The following TCF7 variants were observed in gnomAD, a reference collection of about 807,000 sequenced individuals.
TCF7 encodes T-cell-factor-7.
In TCF7, 19 loss-of-function variants were observed where a neutral mutation model predicts 46.8. The ratio of observed to expected loss-of-function variants is 0.41; its 90% CI spans 0.28 to 0.60. The LOEUF is 0.60. TCF7 is among the 20% of genes least tolerant of loss of function. The probability of loss-of-function intolerance (pLI) is 0.35; values close to 1 mark genes in which losing one functional copy is unlikely to be tolerated. For missense variants in TCF7, 547 were observed against 504.6 expected (o/e 1.08, Z -0.81); for synonymous variants, 245 against 213.4 (o/e 1.15, Z -1.29).
intron 5 of TCF7, chr5:134,140,988 C>T: frequency 3.1e-6 from 1 of 323,646 alleles, no homozygotes; most frequent in Non-Finnish European, 6.1e-6. Context: ...CTGTGTTAGT[C>T]GTTTGTCCAT....
intron 3 of TCF7, among the ~76,000 whole-genome samples, chr5:134,124,682 C>T (rs578085165): frequency 1.1e-3 from 165 of 152,364 alleles, no homozygotes; most frequent in African/African-American, 3.8e-3. Flanking sequence ...GCCCTGCCCC[C>T]CATTAAAACC....
chr5:134,114,736 CCCCGCGCCCTAG>C lies in TCF7; in HGVS notation c.-162_-151del, dbSNP rs1206382592. 3 of 588,932 alleles carry C rather than the reference CCCCGCGCCCTAG, an allele frequency of 5.1e-6. No individual in the cohort carries two copies. The highest frequency in any genetic ancestry group is 6.4e-6 in the Non-Finnish European group (3 of 468,960). The allele number at this position is 588,932 out of a possible 1,614,324, so 36.5% of individuals were successfully genotyped here. A position where few individuals can be genotyped will look rare whatever the true frequency, so the allele number is the denominator to read the frequency against. ...CCCGCCAGCTCGCGGAGCCGCTCTG[CCCCGCGCCCTAG>C]CCCGCGCCTGCAGCCCGCCCAGGCG... On this transcript the variant is annotated 5_prime_UTR_variant, in exon 1 of 10. Transcript: ENST00000342854.
At chr5:134,145,958 A>G in intron 9 of TCF7, 1 of 1,474,242 alleles carries the variant, frequency 6.8e-7, no homozygotes, top group East Asian at 2.5e-5. Flanking sequence ...AGGAGAGATG[A>G]CTCCCTTGGA....
intron 3 of TCF7, among the ~76,000 whole-genome samples, chr5:134,117,789 C>T (rs1580794598): frequency 6.6e-6 from 1 of 152,122 alleles, no homozygotes; most frequent in South Asian, 2.1e-4. Flanking sequence ...TTCTATGTAT[C>T]GCACCTGCTC....
chr5:134,132,864 C>T (rs1758341844), intron 3 of TCF7, among the ~76,000 whole-genome samples: 1 of 152,150 alleles, frequency 6.6e-6, no homozygotes, highest in Non-Finnish European at 1.5e-5. Context: ...GCCTGGCTGT[C>T]TTCTGGGCTC....
chr5:134,138,185 G>A, intron 4 of TCF7, 21 bp downstream of exon 4: 1 of 1,606,542 alleles, frequency 6.2e-7, no homozygotes, highest in South Asian at 1.1e-5. Flanking sequence ...GGGATGGGGA[G>A]GGGCCCAGTG....
intron 3 of TCF7, among the ~76,000 whole-genome samples, chr5:134,131,404 A>G (rs1758108879): frequency 6.6e-6 from 1 of 152,262 alleles, no homozygotes; most frequent in Non-Finnish European, 1.5e-5. Flanking sequence ...AACAGTAACC[A>G]TAGCAATAGC....
intron 9 of TCF7, chr5:134,144,927 A>C (rs992177436): frequency 1.0e-5 from 15 of 1,471,498 alleles, no homozygotes; most frequent in Non-Finnish European, 1.2e-5. Flanking sequence ...CTGACTCTGC[A>C]CATGTTCCAC....
chr5:134,134,637 G>A (rs1758603132), intron 3 of TCF7, among the ~76,000 whole-genome samples: 1 of 152,180 alleles, frequency 6.6e-6, no homozygotes, highest in African/African-American at 2.4e-5. Flanking sequence ...TAGGACAGAG[G>A]AGAACTTTTG....
At chr5:134,114,634 T>C (rs1297316863), upstream of TCF7, 1 of 150,966 alleles carries the variant, frequency 6.6e-6, no homozygotes, top group African/African-American at 2.4e-5. Context: ...CGGACCTGTG[T>C]CCCGCCCCCG....
intron 9 of TCF7, chr5:134,145,070 G>A: frequency 3.1e-6 from 2 of 638,460 alleles, no homozygotes; most frequent in Non-Finnish European, 5.7e-6. Context: ...CTAAGTGCAG[G>A]AGGATTGGAG....
chr5:134,147,726 AGCACTTTG>A lies in TCF7; in HGVS notation c.*1427_*1434del, dbSNP rs1760870006. 1 of 152,362 alleles carries A rather than the reference AGCACTTTG, an allele frequency of 6.6e-6. No homozygotes were observed. The allele number at this position is 152,362 out of a possible 1,614,324, so 9.4% of individuals were successfully genotyped here. A position where few individuals can be genotyped will look rare whatever the true frequency, so the allele number is the denominator to read the frequency against. ...CGCGGTGGCTCACGCCTGTAATCCC[AGCACTTTG>A]GCAGGCCGAGGCAGGTGGATCACCT... is the stretch of plus-strand genomic sequence containing the variant. On this transcript the variant is annotated 3_prime_UTR_variant, in exon 10 of 10. Coordinates refer to ENST00000342854, the MANE Select transcript of TCF7 (RefSeq NM_003202.5).
intron 4 of TCF7, 127 bp from the exon 5 acceptor site, chr5:134,138,824 T>G: frequency 7.1e-7 from 1 of 1,415,728 alleles, no homozygotes; most frequent in South Asian, 1.4e-5. Context: ...TAAACTAGTT[T>G]ATGTCTGGTC....
In TCF7 at chr5:134,143,586, C is replaced by A; in HGVS notation, c.1027-6C>A. 6.2e-7 allele frequency: 1 copy of A among 1,614,136 alleles called. No homozygotes were observed. Among genetic ancestry groups the A allele is most frequent in the African/African-American group, 1.3e-5 (1 of 75,048 alleles). On this transcript the variant is annotated splice_region_variant and splice_polypyrimidine_tract_variant and intron_variant, in intron 8 of 9. Transcript: ENST00000342854. ...ATCTGAGCATCCCTCCTTTTGTTCCCTGCAGGGGAAGAAGAAGAGGCGGTC... is the reference window on the plus strand; with the variant it reads ...ATCTGAGCATCCCTCCTTTTGTTCCATGCAGGGGAAGAAGAAGAGGCGGTC...
At chr5:134,115,749 C>G in intron 2 of TCF7, 160 bp from the exon 3 acceptor site, 2 of 1,454,464 alleles carry the variant, frequency 1.4e-6, no homozygotes, top group Non-Finnish European at 1.8e-6. Flanking sequence ...CCAGGTCCTT[C>G]CCCTAAAACT....
chr5:134,145,038 G>A (rs906458155), intron 9 of TCF7: 85 of 659,306 alleles, frequency 1.3e-4, no homozygotes, highest in Non-Finnish European at 1.6e-4. Context: ...TGAACACAGC[G>A]CGTGGAGAAG....
intron 3 of TCF7, chr5:134,123,599 G>C: frequency 2.3e-6 from 1 of 436,050 alleles, no homozygotes; most frequent in Non-Finnish European, 4.6e-6. Context: ...AGGCTGGCAT[G>C]CTCCATCAGC....
rs1392336796 is a variant in TCF7, at chr5:134,146,474, C to T, written c.*171C>T. 1 of 776,676 alleles carries T rather than the reference C, an allele frequency of 1.3e-6. No individual in the cohort carries two copies. Among genetic ancestry groups the T allele is most frequent in the Non-Finnish European group, 2.3e-6 (1 of 435,304 alleles). The allele number at this position is 776,676 out of a possible 1,614,324, so 48.1% of individuals were successfully genotyped here. A position where few individuals can be genotyped will look rare whatever the true frequency, so the allele number is the denominator to read the frequency against. On this transcript the variant is annotated 3_prime_UTR_variant, in exon 10 of 10. Coordinates refer to ENST00000342854, the MANE Select transcript of TCF7 (RefSeq NM_003202.5). ...CCCACAGGCCCCCCGCAGCACCCTG[C>T]AGAGCACACAGGTACAGCAACAGGA... is the stretch of plus-strand genomic sequence containing the variant.
chr5:134,115,514 A>C lies in TCF7; in HGVS notation c.316+127A>C, dbSNP rs954420187. 3.4e-6 allele frequency: 5 copies of C among 1,456,570 alleles called. No individual in the cohort carries two copies. In the African/African-American group the frequency reaches 5.8e-5, roughly 17 times the overall value. The allele number at this position is 1,456,570 out of a possible 1,614,324, so 90.2% of individuals were successfully genotyped here. On this transcript the variant is annotated intron_variant, in intron 2 of 9. Transcript: ENST00000342854. ...CGCAGCTCAGGAGGCGGCAGAACCC[A>C]GGGGTGGAGAGTGGGGGGCGGGCTT...
Sources: allele counts gnomAD v4.1 joint callset (sites outside exome capture counted in the v4.1 genomes callset), GRCh38; gene constraint gnomAD v4.1.1; transcripts MANE v1.5; gene names NCBI Gene and HGNC (gene_info 2026-07-23, HGNC 2026-07-21).